Variants in RTTN observed in about 807,000 individuals in gnomAD.
The protein encoded by RTTN is rotatin.
Under a neutral mutation model 269.2 loss-of-function variants are expected in RTTN, and 182 were observed. That is an observed-to-expected ratio of 0.68 (90% CI 0.60 to 0.76). The LOEUF (loss-of-function observed/expected upper bound fraction) is 0.76. Ranked by LOEUF, RTTN falls within the 30% of genes least tolerant of loss-of-function variation. RTTN has a pLI of 0.00. For missense variants in RTTN, 2,545 were observed against 2,608.6 expected (o/e 0.98, Z 0.53); for synonymous variants, 1,006 against 963.5 (o/e 1.04, Z -0.82).
At position 70,020,754 on chromosome 18, in the gene RTTN, G is replaced by T; in HGVS notation, c.6014C>A (p.Ala2005Asp). The change falls in exon 45 of 49, where the codon GCC becomes GAC. Residue 2005 changes from alanine to aspartate, a missense_variant. By Grantham distance (126) the Ala-to-Asp change is moderately radical. Coordinates refer to ENST00000640769, the MANE Select transcript of RTTN (RefSeq NM_173630.4). ...QHPVQATHRG[A>D]VSNSLMLCIL... ...ACACAGCATCAGAGAGTTGCTCACG[G>T]CTCCTCTATGTGTAGCTTGAACAGG... The T allele has an allele frequency of 6.2e-7, 1 of 1,614,044 alleles. No homozygotes were observed. Among genetic ancestry groups the T allele is most frequent in the Non-Finnish European group, 8.5e-7 (1 of 1,179,934 alleles).
In RTTN at chr18:70,017,470, G is replaced by C; in HGVS notation, c.6358C>G (p.Pro2120Ala). The C allele has an allele frequency of 6.2e-7, 1 of 1,613,886 alleles. No individual in the cohort carries two copies. Among genetic ancestry groups the C allele is most frequent in the Non-Finnish European group, 8.5e-7 (1 of 1,179,876 alleles). Reference sequence around the variant, plus strand: ...CAAACATTATGAAAGATAAGAAGAGGCAATAAAGGGCTGCTCTTGTGCTTG... The same window carrying C: ...CAAACATTATGAAAGATAAGAAGAGCCAATAAAGGGCTGCTCTTGTGCTTG... ...KYKHKSSPLL[P>A]LLIFHNVCFS... is the part of the protein sequence containing the mutation. The change falls in exon 46 of 49, where the codon CCT becomes GCT. Residue 2120 changes from proline (P) to alanine (A), a missense_variant. Transcript: ENST00000640769.
intron 14 of RTTN, among the ~76,000 whole-genome samples, chr18:70,162,886 G>A (rs867957104): frequency 0.013 from 653 of 50,090 alleles, no homozygotes; most frequent in East Asian, 0.031. Context: ...AATAAAAGTT[G>A]AAAAAAAAAA....
intron 34 of RTTN, among the ~76,000 whole-genome samples, chr18:70,071,693 C>A (rs1433037826): frequency 6.6e-6 from 1 of 152,166 alleles, no homozygotes; most frequent in Non-Finnish European, 1.5e-5. Context: ...CAGGACCCAA[C>A]AATCCTTACG....
intron 18 of RTTN, among the ~76,000 whole-genome samples, chr18:70,143,013 G>T (rs577644342): frequency 3.3e-5 from 5 of 152,256 alleles, no homozygotes; most frequent in South Asian, 4.1e-4. Context: ...CAACAAGAGT[G>T]AAACTCTGTC....
At chr18:70,031,643 A>G (rs181070251) in intron 40 of RTTN, among the ~76,000 whole-genome samples, 131 of 151,990 alleles carry the variant, frequency 8.6e-4, no homozygotes, top group African/African-American at 3.0e-3. Flanking sequence ...AGCAGACACA[A>G]TAACAGATTC....
chr18:70,173,507 A>AAAAAG (rs2061201739), intron 11 of RTTN, among the ~76,000 whole-genome samples: 2 of 151,808 alleles, frequency 1.3e-5, no homozygotes, highest in African/African-American at 4.8e-5. Context: ...AAAAAAAAAA[A>AAAAAG]AAAAGAAAAT....
At chr18:70,108,344 T>C (rs1392848348) in intron 28 of RTTN, among the ~76,000 whole-genome samples, 5 of 151,578 alleles carry the variant, frequency 3.3e-5, no homozygotes, top group Non-Finnish European at 7.4e-5. Flanking sequence ...CAAACCAAGA[T>C]TGTTTCACGA....
At chr18:70,021,277 G>C (rs889538886) in intron 44 of RTTN, 1 of 152,770 alleles carries the variant, frequency 6.5e-6, no homozygotes, top group African/African-American at 2.4e-5. Flanking sequence ...AGAAAAGCCA[G>C]TTTGTTGTTC....
chr18:70,165,540 T>C (rs925532189), intron 14 of RTTN, among the ~76,000 whole-genome samples: 1 of 151,960 alleles, frequency 6.6e-6, no homozygotes, highest in Admixed American at 6.6e-5. Flanking sequence ...AAAAGGACAC[T>C]TTCAAGAGTA....
rs923308221 is a variant in RTTN, at chr18:70,058,382, G to A, written c.4941-550C>T. Among the ~76,000 whole-genome samples the A allele has an allele frequency of 3.3e-5, 5 of 152,270 alleles. No individual in the cohort carries two copies. In the East Asian group the frequency reaches 9.7e-4, roughly 29 times the overall value. On this transcript the variant is annotated intron_variant, in intron 36 of 48. Transcript: ENST00000640769. ...AGGTACCAAAAATTAGCTGGGTGTA[G>A]TGGCAGATGCCTGTAATCCCAGCTA...
chr18:70,010,404 A>C (rs1006394703), intron 46 of RTTN, among the ~76,000 whole-genome samples: 1 of 152,234 alleles, frequency 6.6e-6, no homozygotes, highest in Non-Finnish European at 1.5e-5. Flanking sequence ...AGCACAATGC[A>C]ATCAAATTAG....
rs530088241 is a variant in RTTN, at chr18:70,126,413, T to C, written c.3383+1089A>G. 6.0e-4 allele frequency among the ~76,000 whole-genome samples: 91 copies of C among 152,174 alleles called. 2 individuals are homozygous for C. In the South Asian group the frequency reaches 0.019, roughly 31 times the overall value. On this transcript the variant is annotated intron_variant, in intron 25 of 48. Transcript: ENST00000640769. ...GTGCTGATAAATATGTAACTGAGAGTGCTGACTTATTGTGTTTGTCAATTT... is the reference window on the plus strand; with the variant it reads ...GTGCTGATAAATATGTAACTGAGAGCGCTGACTTATTGTGTTTGTCAATTT...
rs769787833 is a variant in RTTN at position 70,134,467 on chromosome 18, C to A, written c.2954+6G>T. On this transcript the variant is annotated splice_donor_region_variant and intron_variant, in intron 23 of 48. Transcript: ENST00000640769. ...TTCAAGAAAATCAGAGAAATAAATC[C>A]TTTACCTTCTAAAAACGGAAACAGG... The A allele has an allele frequency of 8.8e-6, 14 of 1,597,326 alleles. No individual in the cohort carries two copies. In the African/African-American group the frequency reaches 1.3e-4, roughly 15 times the overall value.
chr18:70,043,298 A>T (rs1340053183), intron 40 of RTTN, among the ~76,000 whole-genome samples: 3 of 152,194 alleles, frequency 2.0e-5, no homozygotes, highest in African/African-American at 7.2e-5. Flanking sequence ...AAGAAAGTTA[A>T]ACACTCTGCA....
intron 18 of RTTN, among the ~76,000 whole-genome samples, chr18:70,143,264 C>T: frequency 6.6e-6 from 1 of 151,886 alleles, no homozygotes; most frequent in East Asian, 1.9e-4. Context: ...TACTCAAATA[C>T]AAATCATTCT....
intron 46 of RTTN, among the ~76,000 whole-genome samples, chr18:70,016,866 T>G (rs998092880): frequency 6.6e-6 from 1 of 151,814 alleles, no homozygotes; most frequent in African/African-American, 2.4e-5. Context: ...CCTGACCCCA[T>G]AAGAGCTTAC....
intron 18 of RTTN, among the ~76,000 whole-genome samples, chr18:70,144,914 G>T (rs890464694): frequency 1.4e-4 from 22 of 152,192 alleles, no homozygotes; most frequent in African/African-American, 5.3e-4. Flanking sequence ...ACACAGGAAT[G>T]AATCCATGAA....
At chr18:70,052,380 A>C (rs536394639) in intron 38 of RTTN, among the ~76,000 whole-genome samples, 33 of 152,272 alleles carry the variant, frequency 2.2e-4, no homozygotes, top group African/African-American at 7.9e-4. Context: ...AGTTTATTTC[A>C]GAAAATGTTT....
intron 7 of RTTN, among the ~76,000 whole-genome samples, chr18:70,196,202 A>G (rs576239093): frequency 4.2e-4 from 64 of 152,186 alleles, no homozygotes; most frequent in Non-Finnish European, 8.5e-4. Flanking sequence ...TAGCCATACC[A>G]AATATCCGAG....
Sources: gnomAD v4.1 joint callset for allele counts (sites outside exome capture counted in the v4.1 genomes callset) on GRCh38, gnomAD v4.1.1 for gene constraint, MANE v1.5 for transcripts, NCBI Gene and HGNC (gene_info 2026-07-23, HGNC 2026-07-21) for gene names.